The following CDK8 variants were observed in gnomAD, a reference collection of about 807,000 sequenced individuals.
CDK8 encodes cyclin dependent kinase 8, also known as cyclin-dependent kinase 8.
In CDK8, 29 loss-of-function variants were observed where a neutral mutation model predicts 71.5. The ratio of observed to expected loss-of-function variants is 0.41; its 90% confidence interval spans 0.30 to 0.55. CDK8 has a LOEUF of 0.55. Ranked by LOEUF, CDK8 falls within the 20% of genes least tolerant of loss-of-function variation. The pLI, the probability that CDK8 is intolerant of heterozygous loss-of-function variation, is 0.37. For missense variants in CDK8, 288 were observed against 572.6 expected (o/e 0.50, Z 5.07); for synonymous variants, 161 against 192.1 (o/e 0.84, Z 1.34).
At chr13:26,374,398 G>A (rs565503045) in intron 4 of CDK8, among the ~76,000 whole-genome samples, 12 of 152,234 alleles carry the variant, frequency 7.9e-5, no homozygotes, top group South Asian at 4.1e-4. Flanking sequence ...TATATTAAAT[G>A]TATATAAGAA....
chr13:26,348,585 C>G (rs959672365), intron 2 of CDK8, among the ~76,000 whole-genome samples: 1 of 152,052 alleles, frequency 6.6e-6, no homozygotes, highest in African/African-American at 2.4e-5. Flanking sequence ...CCTGCACCTC[C>G]ACCCCATTAT....
intron 2 of CDK8, among the ~76,000 whole-genome samples, chr13:26,342,908 G>A (rs761146446): frequency 6.6e-6 from 1 of 152,142 alleles, no homozygotes; most frequent in Non-Finnish European, 1.5e-5. Context: ...TGTTGTCAGG[G>A]TTAGTTTCCT....
chr13:26,382,988 G>A lies in CDK8; in HGVS notation c.514+117G>A, dbSNP rs112722820. ...TATATTCATGTAGTTCCATATGATCGAAGCCATTTCTAAAGAGTATGCATA... is the reference window on the plus strand; with the variant it reads ...TATATTCATGTAGTTCCATATGATCAAAGCCATTTCTAAAGAGTATGCATA... On this transcript the variant is annotated intron_variant, in intron 5 of 12. Transcript: ENST00000381527. 761 of 561,998 alleles carry A rather than the reference G, an allele frequency of 1.4e-3. 6 individuals are homozygous for A. The highest frequency in any genetic ancestry group is 0.013 in the African/African-American group (677 of 52,644). 34.8% of individuals were successfully genotyped at this position (561,998 alleles called of 1,614,324 possible).
chr13:26,263,828 G>T (rs903853882), intron 1 of CDK8, among the ~76,000 whole-genome samples: 1 of 148,448 alleles, frequency 6.7e-6, no homozygotes, highest in Non-Finnish European at 1.5e-5. Context: ...CTCACTGCTA[G>T]CTCCGTCTCC....
chr13:26,311,517 C>G (rs1029957325), intron 1 of CDK8, among the ~76,000 whole-genome samples: 4 of 152,340 alleles, frequency 2.6e-5, no homozygotes, highest in East Asian at 1.9e-4. Context: ...TTACATTACT[C>G]TAGCCACAGT....
chr13:26,280,265 A>G lies in CDK8; in HGVS notation c.128+25496A>G, dbSNP rs538512472. On this transcript the variant is annotated intron_variant, in intron 1 of 12. Coordinates refer to ENST00000381527, the MANE Select transcript of CDK8 (RefSeq NM_001260.3). ...AACTTTCAAATATTCATTTAAACCT[A>G]TACTGTAACTGAAATAGCACGAAAA... 1.8e-4 allele frequency among the ~76,000 whole-genome samples: 28 copies of G among 152,324 alleles called. No individual in the cohort carries two copies. In the East Asian group the frequency reaches 5.0e-3, roughly 27 times the overall value.
chr13:26,402,719 T>A (rs1017379370), intron 12 of CDK8, among the ~76,000 whole-genome samples: 25 of 152,120 alleles, frequency 1.6e-4, no homozygotes, highest in Non-Finnish European at 1.5e-4. Context: ...ATGGGAAGAG[T>A]GCATCTCTCT....
chr13:26,353,916 T>C, intron 4 of CDK8, 36 bp downstream of exon 4: 3 of 1,586,514 alleles, frequency 1.9e-6, no homozygotes, highest in Non-Finnish European at 2.6e-6. Flanking sequence ...ACTAGAAAGA[T>C]GCATTACAGT....
At chr13:26,392,391 G>T (rs369403123) in intron 6 of CDK8, among the ~76,000 whole-genome samples, 1 of 143,974 alleles carries the variant, frequency 6.9e-6, no homozygotes, top group Admixed American at 7.3e-5. Context: ...GCAGTGGCGC[G>T]ATCTCGGCTC....
intron 4 of CDK8, among the ~76,000 whole-genome samples, chr13:26,368,323 T>A (rs1481885574): frequency 6.6e-6 from 1 of 152,232 alleles, no homozygotes; most frequent in African/African-American, 2.4e-5. Context: ...ACAAACAAAA[T>A]GATCTCTCTA....
intron 4 of CDK8, among the ~76,000 whole-genome samples, chr13:26,364,875 G>C (rs1874311472): frequency 6.6e-6 from 1 of 152,182 alleles, no homozygotes; most frequent in African/African-American, 2.4e-5. Flanking sequence ...AAGAGGGGCA[G>C]AGCAGTAGTC....
intron 6 of CDK8, among the ~76,000 whole-genome samples, chr13:26,390,130 A>G (rs1175598846): frequency 1.3e-5 from 2 of 152,178 alleles, no homozygotes; most frequent in African/African-American, 4.8e-5. Flanking sequence ...AATACTCAAC[A>G]AATTTCTCAC....
intron 1 of CDK8, among the ~76,000 whole-genome samples, chr13:26,337,116 A>T (rs1873028750): frequency 6.6e-6 from 1 of 152,144 alleles, no homozygotes; most frequent in Admixed American, 6.5e-5. Context: ...TAAATTATTT[A>T]TTATCAAATT....
intron 1 of CDK8, among the ~76,000 whole-genome samples, chr13:26,256,740 G>A (rs545614397): frequency 6.6e-6 from 1 of 152,128 alleles, no homozygotes; most frequent in Admixed American, 6.5e-5. Context: ...TTAGTCATCT[G>A]TGACAGCTGA....
chr13:26,320,015 G>A (rs751001758), intron 1 of CDK8, among the ~76,000 whole-genome samples: 5 of 152,150 alleles, frequency 3.3e-5, no homozygotes, highest in African/African-American at 7.2e-5. Context: ...ACTGTATATC[G>A]ACATTCAAAA....
intron 2 of CDK8, among the ~76,000 whole-genome samples, chr13:26,341,975 C>T (rs1873260764): frequency 6.6e-6 from 1 of 151,858 alleles, no homozygotes. Context: ...GGCTGGAGTA[C>T]AGTGGCGCAA....
intron 1 of CDK8, among the ~76,000 whole-genome samples, chr13:26,320,263 A>C (rs921948785): frequency 6.6e-6 from 1 of 151,648 alleles, no homozygotes; most frequent in African/African-American, 2.4e-5. Context: ...GAAAAAAAAA[A>C]GGCTGTGTGT....
At chr13:26,290,747 A>G (rs1175693) in intron 1 of CDK8, among the ~76,000 whole-genome samples, 126,237 of 152,122 alleles carry the variant, frequency 0.83, 54,049 homozygotes, top group East Asian at 0.99. Flanking sequence ...GAAGACATTT[A>G]TTTAGTGTCA....
chr13:26,266,627 G>A (rs960372993), intron 1 of CDK8, among the ~76,000 whole-genome samples: 1 of 152,106 alleles, frequency 6.6e-6, no homozygotes, highest in African/African-American at 2.4e-5. Context: ...TAAAATAAAC[G>A]AAATAAAACT....
Sources: allele counts gnomAD v4.1 joint callset (sites outside exome capture counted in the v4.1 genomes callset), GRCh38; gene constraint gnomAD v4.1.1; transcripts MANE v1.5; gene names NCBI Gene and HGNC (gene_info 2026-07-23, HGNC 2026-07-21).